RXFP1: variants seen among roughly 807,000 people sequenced by gnomAD.
The protein encoded by RXFP1 is relaxin receptor 1.
In RXFP1, 73 loss-of-function variants were observed where a neutral mutation model predicts 89.8. That is an observed-to-expected ratio of 0.81 (90% CI 0.67 to 0.99). RXFP1 has a LOEUF of 0.99. Among genes scored for constraint, RXFP1 ranks in the 50% least tolerant of loss-of-function variants. The probability of loss-of-function intolerance (pLI) is 0.00; values close to 1 mark genes in which losing one functional copy is unlikely to be tolerated. For synonymous variants in RXFP1, 277 were observed against 305.5 expected, an observed-to-expected ratio of 0.91 and a Z score of 0.97; for missense variants, 793 against 895.5, an observed-to-expected ratio of 0.89 and a Z score of 1.46.
intron 8 of RXFP1, among the ~76,000 whole-genome samples, chr4:158,615,700 T>A (rs1460067926): frequency 1.3e-5 from 2 of 152,002 alleles, no homozygotes; most frequent in Non-Finnish European, 2.9e-5. Context: ...ATCTCATGCT[T>A]TGGGAGATTG....
At chr4:158,539,046 C>T (rs1333127466) in intron 1 of RXFP1, among the ~76,000 whole-genome samples, 1 of 152,122 alleles carries the variant, frequency 6.6e-6, no homozygotes, top group Non-Finnish European at 1.5e-5. Flanking sequence ...TGAGTCCTTC[C>T]TCACTACTTA....
intron 2 of RXFP1, among the ~76,000 whole-genome samples, chr4:158,573,468 G>T (rs1286308251): frequency 6.6e-6 from 1 of 152,080 alleles, no homozygotes; most frequent in Non-Finnish European, 1.5e-5. Context: ...AAATTCATAA[G>T]GATTTTGAAA....
At chr4:158,586,201 A>G (rs192770388) in intron 2 of RXFP1, among the ~76,000 whole-genome samples, 1 of 152,356 alleles carries the variant, frequency 6.6e-6, no homozygotes. Context: ...AGAGAGACTG[A>G]GCTTTCTCTG....
chr4:158,521,803 A>C (rs1741239256), upstream of RXFP1: 1 of 545,352 alleles, frequency 1.8e-6, no homozygotes, highest in Non-Finnish European at 3.2e-6. Context: ...AAAGAAAAAA[A>C]GAGGAATGGA....
rs907121316 is a variant in RXFP1 at position 158,587,549 on chromosome 4, A to G, written c.188-5852A>G. Reference sequence around the variant, plus strand: ...ACAGACAACAGAAAAATAAGCAGCAAATAGTAATAGCTAAATACTTAAAGC... The same window carrying G: ...ACAGACAACAGAAAAATAAGCAGCAGATAGTAATAGCTAAATACTTAAAGC... On this transcript the variant is annotated intron_variant, in intron 2 of 17. Coordinates refer to ENST00000307765, the MANE Select transcript of RXFP1 (RefSeq NM_021634.4). Among the ~76,000 whole-genome samples the G allele has an allele frequency of 5.9e-5, 9 of 152,350 alleles. No individual in the cohort carries two copies. The East Asian group carries it at 1.2e-3, about 20-fold the overall frequency.
intron 9 of RXFP1, among the ~76,000 whole-genome samples, chr4:158,620,077 G>T (rs574905782): frequency 2.0e-5 from 3 of 152,224 alleles, no homozygotes; most frequent in South Asian, 4.2e-4. Context: ...AAATGCTTAT[G>T]ATTAATAAGT....
intron 1 of RXFP1, among the ~76,000 whole-genome samples, chr4:158,550,221 G>T (rs182928396): frequency 1.9e-4 from 29 of 152,330 alleles, no homozygotes; most frequent in East Asian, 3.9e-4. Context: ...AGCAATCAGC[G>T]AGACTCCGTG....
At position 158,619,087 on chromosome 4, in the gene RXFP1, T is replaced by TCA. The variant is rs146359018; in HGVS notation, c.755+1900_755+1901dup. Among the ~76,000 whole-genome samples the TCA allele has an allele frequency of 2.0e-3, 305 of 149,430 alleles. 1 individual carries two copies. Among genetic ancestry groups the TCA allele is most frequent in the East Asian group, 7.8e-3 (40 of 5,148 alleles). ...AAAAGAATGGAAAAGTAAAATGTGA[T>TCA]CACACACACACACACACACGCATAC... is the stretch of plus-strand genomic sequence containing the variant. On this transcript the variant is annotated intron_variant, in intron 9 of 17. Transcript: ENST00000307765.
At chr4:158,570,663 C>T (rs1754856581) in intron 1 of RXFP1, among the ~76,000 whole-genome samples, 1 of 152,022 alleles carries the variant, frequency 6.6e-6, no homozygotes, top group African/African-American at 2.4e-5. Context: ...GCTTTCCCTC[C>T]TACCCTCCCC....
At chr4:158,555,212 CT>C (rs1440852722) in intron 1 of RXFP1, among the ~76,000 whole-genome samples, 2 of 152,036 alleles carry the variant, frequency 1.3e-5, no homozygotes, top group African/African-American at 4.8e-5. Flanking sequence ...TTTTGCATTT[CT>C]GTCAAAAATC....
chr4:158,564,824 T>C (rs377470646), intron 1 of RXFP1, among the ~76,000 whole-genome samples: 8 of 152,362 alleles, frequency 5.3e-5, no homozygotes, highest in African/African-American at 1.2e-4. Context: ...CTGTGAATTA[T>C]TGCTGTTCTT....
chr4:158,556,611 CTT>C (rs1751368482), intron 1 of RXFP1, among the ~76,000 whole-genome samples: 1 of 152,122 alleles, frequency 6.6e-6, no homozygotes, highest in Non-Finnish European at 1.5e-5. Context: ...TATCTGCACT[CTT>C]ATATTTACTG....
At chr4:158,575,215 G>A (rs976493694) in intron 2 of RXFP1, among the ~76,000 whole-genome samples, 1 of 152,182 alleles carries the variant, frequency 6.6e-6, no homozygotes, top group South Asian at 2.1e-4. Context: ...TTAAAATCAT[G>A]CAAGTTTCTC....
chr4:158,615,127 A>G (rs535423044), intron 8 of RXFP1, among the ~76,000 whole-genome samples: 1 of 152,252 alleles, frequency 6.6e-6, no homozygotes, highest in Non-Finnish European at 1.5e-5. Flanking sequence ...AAGGTCATTA[A>G]TTGGCTTAAT....
intron 3 of RXFP1, among the ~76,000 whole-genome samples, chr4:158,593,744 A>G (rs1054225531): frequency 3.3e-5 from 5 of 152,254 alleles, no homozygotes; most frequent in South Asian, 2.1e-4. Flanking sequence ...GAAGTAATAA[A>G]TGGTGTCAGA....
intron 12 of RXFP1, among the ~76,000 whole-genome samples, chr4:158,634,109 T>C (rs1015125081): frequency 5.3e-5 from 8 of 152,222 alleles, no homozygotes; most frequent in African/African-American, 1.9e-4. Context: ...CTGTTTTCCA[T>C]AGGAGTTTAA....
At chr4:158,606,686 T>C (rs7677564) in intron 5 of RXFP1, among the ~76,000 whole-genome samples, 10,009 of 151,650 alleles carry the variant, frequency 0.066, 484 homozygotes, top group Non-Finnish European at 0.1. Flanking sequence ...TGGACTTAAG[T>C]GATCCTCCCA....
intron 9 of RXFP1, among the ~76,000 whole-genome samples, chr4:158,624,586 A>C (rs1766328047): frequency 6.6e-6 from 1 of 152,160 alleles, no homozygotes; most frequent in African/African-American, 2.4e-5. Context: ...AAAAAATAGA[A>C]ATAAAAATAA....
chr4:158,537,573 G>T (rs1398353230), intron 1 of RXFP1, among the ~76,000 whole-genome samples: 1 of 152,050 alleles, frequency 6.6e-6, no homozygotes, highest in Non-Finnish European at 1.5e-5. Flanking sequence ...AGAACTTCAC[G>T]ACACCATTAT....
Sources: gnomAD v4.1 joint callset for allele counts (sites outside exome capture counted in the v4.1 genomes callset) on GRCh38, gnomAD v4.1.1 for gene constraint, MANE v1.5 for transcripts, NCBI Gene and HGNC (gene_info 2026-07-23, HGNC 2026-07-21) for gene names.